Variants in L3MBTL4 observed in about 807,000 individuals in gnomAD.
L3MBTL4 encodes L3MBTL histone methyl-lysine binding protein 4.
A neutral mutation model predicts 84.5 loss-of-function variants in L3MBTL4; 70 were observed. The observed-to-expected ratio is 0.83, with a 90% CI of 0.68 to 1.01. L3MBTL4 has a LOEUF of 1.01. Ranked by LOEUF, L3MBTL4 falls within the 50% of genes least tolerant of loss-of-function variation. The pLI is 0.00. For missense variants in L3MBTL4, 715 were observed against 754.8 expected (o/e 0.95, Z 0.62); for synonymous variants, 274 against 259.8 (o/e 1.05, Z -0.52).
At chr18:6,022,734 T>A (rs1365461403) in intron 16 of L3MBTL4, among the ~76,000 whole-genome samples, 3 of 152,226 alleles carry the variant, frequency 2.0e-5, no homozygotes, top group Non-Finnish European at 4.4e-5. Flanking sequence ...TGGCTTAGGG[T>A]CACCCGGCCA....
chr18:6,153,046 C>T (rs1598924551), intron 13 of L3MBTL4, among the ~76,000 whole-genome samples: 1 of 152,100 alleles, frequency 6.6e-6, no homozygotes, highest in African/African-American at 2.4e-5. Context: ...TGACCATATA[C>T]ATGGGTTTAT....
rs2053942984 is a variant in L3MBTL4, at chr18:5,995,935, T to A, written c.1445-26373A>T. The stretch of plus-strand genomic sequence containing the variant: ...ATTTCCATGAAAAAAGGGCAGGAGA[T>A]TTTTGTTTATTAACCCTTTTCCAGT... On this transcript the variant is annotated intron_variant, in intron 16 of 18. Coordinates refer to ENST00000317931, the MANE Select transcript of L3MBTL4 (RefSeq NM_001330559.2). 2.0e-5 allele frequency among the ~76,000 whole-genome samples: 3 copies of A among 152,210 alleles called. No individual in the cohort carries two copies. The South Asian group carries it at 6.2e-4, about 32-fold the overall frequency.
intron 14 of L3MBTL4, among the ~76,000 whole-genome samples, chr18:6,128,617 A>G (rs190304068): frequency 1.4e-3 from 217 of 152,320 alleles, no homozygotes; most frequent in Admixed American, 3.2e-3. Context: ...TTCTGAAGGA[A>G]AAGGACTTCC....
chr18:6,047,339 A>C (rs568002333), intron 16 of L3MBTL4, among the ~76,000 whole-genome samples: 1 of 152,252 alleles, frequency 6.6e-6, no homozygotes, highest in African/African-American at 2.4e-5. Flanking sequence ...GCTAGTACCA[A>C]TCCTACAGAA....
At chr18:6,071,803 A>AAGAAAGAG (rs879320759) in intron 16 of L3MBTL4, among the ~76,000 whole-genome samples, 1 of 119,546 alleles carries the variant, frequency 8.4e-6, no homozygotes, top group South Asian at 2.8e-4. Context: ...GAAAGAAAGA[A>AAGAAAGAG]AAAGAAAGAA....
intron 13 of L3MBTL4, among the ~76,000 whole-genome samples, chr18:6,163,308 G>GT (rs1260518041): frequency 0.18 from 14,212 of 77,732 alleles, 1,585 homozygotes; most frequent in Non-Finnish European, 0.2. Context: ...TGTGTGTGTG[G>GT]GTGGGTGTGT....
At chr18:6,120,084 T>C (rs1231305519) in intron 14 of L3MBTL4, among the ~76,000 whole-genome samples, 3 of 152,200 alleles carry the variant, frequency 2.0e-5, no homozygotes, top group Non-Finnish European at 4.4e-5. Context: ...GAAACACCAC[T>C]GAGGGCCTGA....
intron 12 of L3MBTL4, among the ~76,000 whole-genome samples, chr18:6,192,224 G>C (rs928574612): frequency 6.6e-6 from 1 of 152,094 alleles, no homozygotes; most frequent in African/African-American, 2.4e-5. Flanking sequence ...AAAAATGAAT[G>C]AAGAAGTGGA....
intron 3 of L3MBTL4, among the ~76,000 whole-genome samples, chr18:6,304,964 G>A (rs1371944800): frequency 1.3e-5 from 2 of 152,122 alleles, no homozygotes; most frequent in African/African-American, 2.4e-5. Context: ...TTCTGTATTT[G>A]CTACTGAAAT....
intron 14 of L3MBTL4, among the ~76,000 whole-genome samples, chr18:6,116,896 C>T (rs575249453): frequency 2.6e-5 from 4 of 152,172 alleles, no homozygotes; most frequent in South Asian, 2.1e-4. Flanking sequence ...GACCTTTGCT[C>T]GGTCACTTCT....
At chr18:5,959,786 G>A (rs1036937753) in intron 18 of L3MBTL4, among the ~76,000 whole-genome samples, 4 of 151,846 alleles carry the variant, frequency 2.6e-5, no homozygotes, top group Admixed American at 6.6e-5. Context: ...AATAGTATAC[G>A]TACTGAGCAT....
At chr18:6,375,549 C>T (rs1270357665) in intron 1 of L3MBTL4, among the ~76,000 whole-genome samples, 1 of 152,156 alleles carries the variant, frequency 6.6e-6, no homozygotes, top group Admixed American at 6.5e-5. Flanking sequence ...ACAGCCAGCG[C>T]TTCCCTTAGC....
intron 16 of L3MBTL4, among the ~76,000 whole-genome samples, chr18:6,026,971 T>A (rs2055536241): frequency 6.6e-6 from 1 of 152,106 alleles, no homozygotes; most frequent in African/African-American, 2.4e-5. Flanking sequence ...CAACCAGGAA[T>A]CTTAATTAAC....
intron 10 of L3MBTL4, among the ~76,000 whole-genome samples, chr18:6,230,479 C>T (rs62079183): frequency 0.017 from 2,655 of 152,186 alleles, 39 homozygotes; most frequent in Non-Finnish European, 0.026. Context: ...ATCCAATCTA[C>T]CATTGACAGG....
chr18:6,143,993 C>T (rs186460577), intron 13 of L3MBTL4, among the ~76,000 whole-genome samples: 17 of 152,106 alleles, frequency 1.1e-4, no homozygotes, highest in African/African-American at 2.9e-4. Flanking sequence ...GTCAGGAGAT[C>T]GAGACTATCC....
At chr18:6,214,748 G>A (rs150979385) in intron 11 of L3MBTL4, among the ~76,000 whole-genome samples, 6 of 152,304 alleles carry the variant, frequency 3.9e-5, no homozygotes, top group East Asian at 1.9e-4. Flanking sequence ...AGAGGTAGAA[G>A]AGTTTAGTAT....
intron 4 of L3MBTL4, among the ~76,000 whole-genome samples, chr18:6,283,936 A>T (rs1194963499): frequency 1.3e-5 from 2 of 152,218 alleles, no homozygotes; most frequent in Non-Finnish European, 2.9e-5. Flanking sequence ...CAGATTTCTA[A>T]AAGGTAAGAT....
At chr18:5,993,839 A>G (rs562794458) in intron 16 of L3MBTL4, among the ~76,000 whole-genome samples, 1 of 152,340 alleles carries the variant, frequency 6.6e-6, no homozygotes, top group African/African-American at 2.4e-5. Flanking sequence ...CAAATGGCAC[A>G]GGAATGGAAT....
At chr18:6,218,775 G>C (rs115128537) in intron 10 of L3MBTL4, among the ~76,000 whole-genome samples, 5,309 of 152,182 alleles carry the variant, frequency 0.035, 317 homozygotes, top group African/African-American at 0.12. Flanking sequence ...CAAAAGCCAC[G>C]TACTCCAACT....
Sources: allele counts gnomAD v4.1 joint callset (sites outside exome capture counted in the v4.1 genomes callset), GRCh38; gene constraint gnomAD v4.1.1; transcripts MANE v1.5; gene names NCBI Gene and HGNC (gene_info 2026-07-23, HGNC 2026-07-21).